The following RBFOX1 variants were observed in gnomAD, a reference collection of about 807,000 sequenced individuals.
The protein encoded by RBFOX1 is RNA binding protein fox-1 homolog 1.
A neutral mutation model predicts 57.7 loss-of-function variants in RBFOX1; 8 were observed. The ratio of observed to expected loss-of-function variants is 0.14; its 90% CI spans 0.08 to 0.25. RBFOX1 has a LOEUF of 0.25. Ranked by LOEUF, RBFOX1 falls within the 10% of genes least tolerant of loss-of-function variation. RBFOX1 has a pLI of 1.00. For synonymous variants in RBFOX1, 326 were observed against 222.4 expected (o/e 1.47, Z -4.15); for missense variants, 611 against 548.5 (o/e 1.11, Z -1.14).
chr16:6,964,901 C>A (rs149015790), intron 3 of RBFOX1, among the ~76,000 whole-genome samples: 1 of 152,218 alleles, frequency 6.6e-6, no homozygotes, highest in Non-Finnish European at 1.5e-5. Context: ...TCCTCCCTGA[C>A]TTAAGCCAGG....
chr16:7,094,956 T>A (rs2061462796), intron 4 of RBFOX1, among the ~76,000 whole-genome samples: 1 of 152,172 alleles, frequency 6.6e-6, no homozygotes, highest in Non-Finnish European at 1.5e-5. Context: ...AAACATCTAT[T>A]GTAAACATCA....
intron 3 of RBFOX1, among the ~76,000 whole-genome samples, chr16:6,807,577 G>A (rs2087171553): frequency 6.6e-6 from 1 of 152,030 alleles, no homozygotes; most frequent in South Asian, 2.1e-4. Flanking sequence ...CAGCACTTTG[G>A]GAGCCTGAGG....
intron 1 of RBFOX1, among the ~76,000 whole-genome samples, chr16:6,279,035 C>T (rs2076114854): frequency 1.3e-5 from 2 of 151,960 alleles, no homozygotes; most frequent in South Asian, 2.1e-4. Flanking sequence ...ATTAATTGAT[C>T]CTGGTGGTGA....
At chr16:6,972,236 C>G (rs749068170) in intron 3 of RBFOX1, among the ~76,000 whole-genome samples, 1 of 152,206 alleles carries the variant, frequency 6.6e-6, no homozygotes, top group African/African-American at 2.4e-5. Context: ...TATCTATTAA[C>G]TCTGTAACTC....
chr16:7,449,442 T>C (rs1441610296), intron 4 of RBFOX1, among the ~76,000 whole-genome samples: 2 of 152,002 alleles, frequency 1.3e-5, no homozygotes, highest in African/African-American at 4.8e-5. Context: ...TTGGCAGGAG[T>C]GAGCCCTGCT....
intron 4 of RBFOX1, among the ~76,000 whole-genome samples, chr16:7,228,278 A>G (rs1487235973): frequency 2.0e-5 from 3 of 152,202 alleles, no homozygotes; most frequent in African/African-American, 4.8e-5. Flanking sequence ...GCTGAGGACT[A>G]TATTCATCCT....
chr16:6,627,309 G>T (rs1601931406), intron 2 of RBFOX1, among the ~76,000 whole-genome samples: 2 of 152,112 alleles, frequency 1.3e-5, no homozygotes, highest in South Asian at 4.1e-4. Flanking sequence ...ACCTGTTCTA[G>T]GTATACCTTA....
At chr16:7,461,500 T>G (rs548898972) in intron 4 of RBFOX1, among the ~76,000 whole-genome samples, 8 of 152,280 alleles carry the variant, frequency 5.3e-5, no homozygotes, top group African/African-American at 1.7e-4. Context: ...ATAGAATAAT[T>G]GAGGATGAAT....
At chr16:6,825,852 A>G (rs936577299) in intron 3 of RBFOX1, among the ~76,000 whole-genome samples, 41 of 152,174 alleles carry the variant, frequency 2.7e-4, no homozygotes, top group African/African-American at 4.6e-4. Flanking sequence ...GGAAGGAGGA[A>G]TGAATATCCT....
At chr16:7,015,637 G>C (rs2093873639) in intron 3 of RBFOX1, among the ~76,000 whole-genome samples, 1 of 152,102 alleles carries the variant, frequency 6.6e-6, no homozygotes. Flanking sequence ...ATCTCCTCTT[G>C]TTTAAAAGGC....
chr16:7,124,858 A>T (rs2068087942), intron 4 of RBFOX1, among the ~76,000 whole-genome samples: 1 of 152,034 alleles, frequency 6.6e-6, no homozygotes, highest in Non-Finnish European at 1.5e-5. Flanking sequence ...ATAAATTACT[A>T]AAGTGTATTC....
intron 5 of RBFOX1, among the ~76,000 whole-genome samples, chr16:7,563,511 A>G (rs1406603360): frequency 6.6e-6 from 1 of 152,186 alleles, no homozygotes; most frequent in African/African-American, 2.4e-5. Context: ...ACTGTTGCCC[A>G]GGCTGGAGTG....
intron 4 of RBFOX1, among the ~76,000 whole-genome samples, chr16:7,080,053 TACATATTATATATATACATATATAC>T (rs2058935236): frequency 7.0e-6 from 1 of 141,974 alleles, no homozygotes; most frequent in African/African-American, 2.6e-5. Flanking sequence ...TATATATATA[TACATATTATATATATACATATATAC>T]ATATGTATAT....
intron 3 of RBFOX1, among the ~76,000 whole-genome samples, chr16:6,701,851 C>T (rs1165716187): frequency 6.6e-6 from 1 of 152,076 alleles, no homozygotes; most frequent in African/African-American, 2.4e-5. Context: ...AACATAGGAA[C>T]AGAAAAGCAA....
At chr16:6,228,874 ATG>A (rs778858790) in intron 1 of RBFOX1, among the ~76,000 whole-genome samples, 1 of 152,234 alleles carries the variant, frequency 6.6e-6, no homozygotes. Flanking sequence ...ACATGTATAC[ATG>A]TTTGAAATTT....
chr16:7,023,564 T>TAAAAAAA (rs34056673), intron 3 of RBFOX1, among the ~76,000 whole-genome samples: 501 of 43,922 alleles, frequency 0.011, 36 homozygotes, highest in African/African-American at 0.025. Flanking sequence ...TCGTCTGTAC[T>TAAAAAAA]AAAAAAAAAA....
intron 4 of RBFOX1, among the ~76,000 whole-genome samples, chr16:7,365,095 A>G (rs139211887): frequency 6.6e-6 from 1 of 152,266 alleles, no homozygotes; most frequent in African/African-American, 2.4e-5. Context: ...CTATCCATCC[A>G]TCTATCCATC....
At chr16:6,652,638 G>C (rs750138121) in intron 2 of RBFOX1, among the ~76,000 whole-genome samples, 1 of 152,074 alleles carries the variant, frequency 6.6e-6, no homozygotes, top group South Asian at 2.1e-4. Flanking sequence ...AACTTCAGTC[G>C]TTGAAGTCAC....
intron 1 of RBFOX1, among the ~76,000 whole-genome samples, chr16:6,248,509 G>A (rs1469661662): frequency 6.6e-6 from 1 of 152,154 alleles, no homozygotes; most frequent in Non-Finnish European, 1.5e-5. Context: ...TGAAAGGAGA[G>A]GGCAGGATGC....
Sources: allele counts gnomAD v4.1 joint callset (sites outside exome capture counted in the v4.1 genomes callset), GRCh38; gene constraint gnomAD v4.1.1; transcripts MANE v1.5; gene names NCBI Gene and HGNC (gene_info 2026-07-23, HGNC 2026-07-21).